Variants in MOXD1 observed in about 807,000 individuals in gnomAD.
The protein encoded by MOXD1 is monooxygenase DBH like 1, also known as DBH-like monooxygenase protein 1.
Under a neutral mutation model 66.6 loss-of-function variants are expected in MOXD1, and 62 were observed. The observed-to-expected ratio is 0.93, with a 90% CI of 0.76 to 1.15. The LOEUF is 1.15. Ranked by LOEUF, MOXD1 falls within the 50% of genes most tolerant of loss-of-function variation. The probability of loss-of-function intolerance (pLI) is 0.00; values close to 1 mark genes in which losing one functional copy is unlikely to be tolerated. For missense variants in MOXD1, 847 were observed against 754.6 expected, an observed-to-expected ratio of 1.12 and a Z score of -1.44; for synonymous variants, 303 against 281.9, an observed-to-expected ratio of 1.07 and a Z score of -0.75.
At chr6:132,387,410 C>T (rs754701335) in intron 1 of MOXD1, among the ~76,000 whole-genome samples, 14 of 151,018 alleles carry the variant, frequency 9.3e-5, no homozygotes, top group African/African-American at 2.7e-4. Context: ...TTAAGAATAT[C>T]GCTATCTTTT....
chr6:132,323,051 G>T (rs1775112517), intron 7 of MOXD1, among the ~76,000 whole-genome samples, 181 bp from the exon 8 acceptor site: 1 of 152,180 alleles, frequency 6.6e-6, no homozygotes, highest in Admixed American at 6.5e-5. Context: ...AGCAACATTT[G>T]CCGGGAGAAA....
intron 9 of MOXD1, among the ~76,000 whole-genome samples, chr6:132,319,488 C>A (rs930989773): frequency 6.6e-6 from 1 of 151,524 alleles, no homozygotes; most frequent in Non-Finnish European, 1.5e-5. Flanking sequence ...GATTTTATTT[C>A]TGTTTAATTT....
At chr6:132,340,012 G>A (rs1476643913) in intron 4 of MOXD1, among the ~76,000 whole-genome samples, 1 of 152,044 alleles carries the variant, frequency 6.6e-6, no homozygotes, top group African/African-American at 2.4e-5. Flanking sequence ...TGGGATTACA[G>A]GCATGCACCA....
intron 6 of MOXD1, among the ~76,000 whole-genome samples, chr6:132,327,449 G>A (rs1775213039): frequency 6.6e-6 from 1 of 152,140 alleles, no homozygotes; most frequent in Admixed American, 6.5e-5. Flanking sequence ...TACTTCTGTT[G>A]ATAATTTCGT....
At chr6:132,386,184 C>T (rs1338427013) in intron 1 of MOXD1, among the ~76,000 whole-genome samples, 3 of 145,052 alleles carry the variant, frequency 2.1e-5, no homozygotes, top group Non-Finnish European at 3.0e-5. Context: ...GGGCGGATCA[C>T]GAGGTCAGGA....
intron 10 of MOXD1, among the ~76,000 whole-genome samples, chr6:132,313,444 C>T (rs1774874144): frequency 6.6e-6 from 1 of 152,114 alleles, no homozygotes; most frequent in Non-Finnish European, 1.5e-5. Flanking sequence ...TCAGTAAAAC[C>T]TATCTATGAA....
intron 1 of MOXD1, among the ~76,000 whole-genome samples, chr6:132,379,790 C>A (rs1485466426): frequency 1.3e-5 from 2 of 152,126 alleles, no homozygotes; most frequent in African/African-American, 4.8e-5. Flanking sequence ...TACTATTCTC[C>A]TAGCTATCTA....
intron 4 of MOXD1, among the ~76,000 whole-genome samples, chr6:132,362,595 A>G (rs527497414): frequency 3.9e-4 from 60 of 152,300 alleles, no homozygotes; most frequent in African/African-American, 1.4e-3. Flanking sequence ...TTTAACTGCC[A>G]AGTGAAAAAT....
intron 1 of MOXD1, among the ~76,000 whole-genome samples, chr6:132,384,836 C>T (rs1384097586): frequency 1.3e-5 from 2 of 152,162 alleles, no homozygotes; most frequent in Admixed American, 6.5e-5. Flanking sequence ...AACTTACATG[C>T]CATTGTAGGG....
chr6:132,297,877 C>T lies in MOXD1; in HGVS notation c.1587G>A (p.Trp529Ter), dbSNP rs140134245. ...SFMDAMNKFK[W>*]TKKEGLSFNK... is the part of the protein sequence containing the mutation. ...TGAAGGAGAGACCTTCCTTTTTAGT[C>T]CATTTAAACTTATTCATAGCATCCA... is the stretch of plus-strand genomic sequence containing the variant. Residue 529 changes from tryptophan (W) to a stop codon, truncating the protein, a stop_gained, in exon 11 of 12, where the codon TGG becomes TGA. Transcript: ENST00000367963. LOFTEE classifies it high-confidence loss of function. The T allele has an allele frequency of 6.2e-7, 1 of 1,613,260 alleles. No individual in the cohort carries two copies. Among genetic ancestry groups the T allele is most frequent in the African/African-American group, 1.3e-5 (1 of 74,958 alleles).
At chr6:132,394,003 C>T (rs1776822226) in intron 1 of MOXD1, among the ~76,000 whole-genome samples, 3 of 152,286 alleles carry the variant, frequency 2.0e-5, no homozygotes, top group Admixed American at 6.5e-5. Flanking sequence ...TACCTGCTAC[C>T]CAGAAGCATG....
chr6:132,350,042 A>G (rs549998122), intron 4 of MOXD1, among the ~76,000 whole-genome samples: 1 of 152,314 alleles, frequency 6.6e-6, no homozygotes. Flanking sequence ...TCAGACGTAT[A>G]GATTGTGAAA....
At chr6:132,392,561 A>G (rs1776789717) in intron 1 of MOXD1, among the ~76,000 whole-genome samples, 1 of 152,224 alleles carries the variant, frequency 6.6e-6, no homozygotes, top group African/African-American at 2.4e-5. Context: ...TGAATCCATC[A>G]GGGCAATGAG....
chr6:132,394,301 T>A (rs925042935), intron 1 of MOXD1, among the ~76,000 whole-genome samples: 28 of 151,992 alleles, frequency 1.8e-4, no homozygotes, highest in African/African-American at 6.5e-4. Context: ...CGTAGATAAA[T>A]CTTCAAGAAA....
intron 1 of MOXD1, among the ~76,000 whole-genome samples, chr6:132,389,929 T>C (rs1303014715): frequency 6.6e-6 from 1 of 151,656 alleles, no homozygotes; most frequent in Non-Finnish European, 1.5e-5. Context: ...GTTTAAAAAT[T>C]GCATGAAAGA....
chr6:132,368,163 A>G lies in MOXD1; in HGVS notation c.663+4445T>C, dbSNP rs548479026. Among the ~76,000 whole-genome samples, 96 of 152,198 alleles carry G rather than the reference A, an allele frequency of 6.3e-4. 1 individual carries two copies. Among genetic ancestry groups the G allele is most frequent in the Non-Finnish European group, 1.1e-3 (75 of 67,968 alleles). ...AATTCAATAACCCCCATTTCTAGCA[A>G]AGTATATCCAACCACGACTAATAGT... On this transcript the variant is annotated intron_variant, in intron 4 of 11. Transcript: ENST00000367963.
At chr6:132,298,391 G>T (rs1399443511) in intron 10 of MOXD1, among the ~76,000 whole-genome samples, 1 of 152,030 alleles carries the variant, frequency 6.6e-6, no homozygotes, top group Non-Finnish European at 1.5e-5. Context: ...AATTTGGTTT[G>T]GTTCTAGTTA....
intron 4 of MOXD1, among the ~76,000 whole-genome samples, chr6:132,341,424 A>G (rs1198957722): frequency 6.6e-6 from 1 of 152,198 alleles, no homozygotes; most frequent in East Asian, 1.9e-4. Flanking sequence ...TGTTATAGCA[A>G]CACAGACTAA....
chr6:132,299,278 G>T (rs1774477226), intron 10 of MOXD1, among the ~76,000 whole-genome samples: 1 of 143,552 alleles, frequency 7.0e-6, no homozygotes, highest in Non-Finnish European at 1.5e-5. Context: ...CTACTAGAGA[G>T]AGAGGGAGAG....
Sources: allele counts gnomAD v4.1 joint callset (sites outside exome capture counted in the v4.1 genomes callset), GRCh38; gene constraint gnomAD v4.1.1; transcripts MANE v1.5; gene names NCBI Gene and HGNC (gene_info 2026-07-23, HGNC 2026-07-21).